Variants in MYO5B observed in about 807,000 individuals in gnomAD.
The protein encoded by MYO5B is unconventional myosin-Vb.
In MYO5B, 143 loss-of-function variants were observed where a neutral mutation model predicts 229.3. The observed-to-expected ratio is 0.62, with a 90% CI of 0.54 to 0.72. MYO5B has a LOEUF of 0.72. Ranked by LOEUF, MYO5B falls within the 30% of genes least tolerant of loss-of-function variation. The pLI, the probability that MYO5B is intolerant of heterozygous loss-of-function variation, is 0.00. For synonymous variants in MYO5B, 918 were observed against 885.2 expected (o/e 1.04, Z -0.66); for missense variants, 2,321 against 2,331.0 (o/e 1.00, Z 0.09).
intron 1 of MYO5B, among the ~76,000 whole-genome samples, chr18:50,126,188 A>T (rs1468437659): frequency 1.3e-5 from 2 of 152,254 alleles, no homozygotes; most frequent in Non-Finnish European, 2.9e-5. Flanking sequence ...AATGTTTAAA[A>T]GTTAAAAAAC....
chr18:50,084,909 T>C (rs1270438703), intron 1 of MYO5B, among the ~76,000 whole-genome samples: 23 of 152,090 alleles, frequency 1.5e-4, no homozygotes, highest in African/African-American at 5.1e-4. Flanking sequence ...ATACAAAAAT[T>C]CATTCAAGAT....
intron 1 of MYO5B, among the ~76,000 whole-genome samples, chr18:50,140,299 T>G (rs559961284): frequency 5.3e-5 from 8 of 152,314 alleles, no homozygotes; most frequent in African/African-American, 1.9e-4. Flanking sequence ...AAGCAACACA[T>G]TATCTTTTTT....
chr18:50,114,732 A>G (rs2031927551), intron 1 of MYO5B, among the ~76,000 whole-genome samples: 1 of 152,204 alleles, frequency 6.6e-6, no homozygotes. Context: ...CGCTGCATCT[A>G]GGAGCAGAAC....
chr18:49,911,839 T>C (rs1039323316), intron 18 of MYO5B, among the ~76,000 whole-genome samples: 2 of 152,152 alleles, frequency 1.3e-5, no homozygotes, highest in African/African-American at 4.8e-5. Flanking sequence ...GAATTCCATT[T>C]TCTATGCCTG....
intron 1 of MYO5B, among the ~76,000 whole-genome samples, chr18:50,162,486 T>C (rs569551127): frequency 6.6e-6 from 1 of 152,336 alleles, no homozygotes; most frequent in South Asian, 2.1e-4. Flanking sequence ...TAGACAACTC[T>C]TTTCTTCAAA....
intron 21 of MYO5B, 23 bp from the exon 22 acceptor site, chr18:49,895,197 A>G: frequency 1.9e-6 from 3 of 1,586,994 alleles, no homozygotes; most frequent in Non-Finnish European, 2.6e-6. Flanking sequence ...TCAGCAAACA[A>G]GGAGAAGGGA....
intron 1 of MYO5B, among the ~76,000 whole-genome samples, chr18:50,183,309 A>ATATATATATATATATATATATC (rs2033099465): frequency 3.3e-5 from 1 of 30,670 alleles, no homozygotes; most frequent in African/African-American, 1.1e-4. Flanking sequence ...ATTTTATCAT[A>ATATATATATATATATATATATC]TATATATATA....
At chr18:49,929,090 C>A (rs2025160504) in intron 17 of MYO5B, among the ~76,000 whole-genome samples, 1 of 152,080 alleles carries the variant, frequency 6.6e-6, no homozygotes, top group Non-Finnish European at 1.5e-5. Context: ...AACCAAACAC[C>A]ACTTGTTCCC....
Position 49,894,932 on chromosome 18 carries a change from T to C in MYO5B, c.3045+9A>G. On this transcript the variant is annotated intron_variant, in intron 22 of 39. Coordinates refer to ENST00000285039, the MANE Select transcript of MYO5B (RefSeq NM_001080467.3). ...CTTGCCAGCGCCTGCCCCTCTGGCC[T>C]GAGCATACCTTCCTCAGCTCATCTT... is the stretch of plus-strand genomic sequence containing the variant. 1 of 1,610,538 alleles carries C rather than the reference T, an allele frequency of 6.2e-7. No individual in the cohort carries two copies. Among genetic ancestry groups the C allele is most frequent in the Non-Finnish European group, 8.5e-7 (1 of 1,178,830 alleles).
At chr18:50,061,975 G>A (rs1209548620) in intron 1 of MYO5B, among the ~76,000 whole-genome samples, 1 of 152,102 alleles carries the variant, frequency 6.6e-6, no homozygotes, top group East Asian at 1.9e-4. Context: ...GAAACCTGAG[G>A]GTTAAAAGTA....
intron 1 of MYO5B, among the ~76,000 whole-genome samples, chr18:50,115,197 C>T (rs2031936427): frequency 1.3e-5 from 2 of 152,220 alleles, no homozygotes; most frequent in African/African-American, 2.4e-5. Flanking sequence ...AGGTGGGCAG[C>T]CACCTGCACA....
intron 1 of MYO5B, among the ~76,000 whole-genome samples, chr18:50,108,954 A>G (rs2031813405): frequency 6.6e-6 from 1 of 152,178 alleles, no homozygotes; most frequent in African/African-American, 2.4e-5. Context: ...ATGACCCCAC[A>G]TGCTAAAACT....
intron 32 of MYO5B, among the ~76,000 whole-genome samples, chr18:49,847,722 GC>G (rs1174794212): frequency 6.6e-6 from 1 of 152,252 alleles, no homozygotes; most frequent in Non-Finnish European, 1.5e-5. Context: ...CCTCGGCCTG[GC>G]CCACTACACT....
In MYO5B at chr18:49,962,256, T is replaced by A; in HGVS notation, c.1545+10A>T. 2 of 1,614,152 alleles carry A rather than the reference T, an allele frequency of 1.2e-6. No individual in the cohort carries two copies. Among genetic ancestry groups the A allele is most frequent in the Non-Finnish European group, 1.7e-6 (2 of 1,180,006 alleles). The stretch of plus-strand genomic sequence containing the variant: ...CCTAGAATTGAACTAATTTGCATCA[T>A]CAGTTTTACCTTACATTCTTCATCC... On this transcript the variant is annotated intron_variant, in intron 12 of 39. Transcript: ENST00000285039.
chr18:49,917,271 G>C (rs1442361256), intron 17 of MYO5B, among the ~76,000 whole-genome samples: 2 of 152,194 alleles, frequency 1.3e-5, no homozygotes, highest in South Asian at 4.1e-4. Flanking sequence ...GCCAATTACA[G>C]TTTTAAAAAT....
intron 4 of MYO5B, among the ~76,000 whole-genome samples, chr18:50,007,017 C>T (rs9955791): frequency 0.056 from 8,571 of 152,254 alleles, 416 homozygotes; most frequent in African/African-American, 0.12. Flanking sequence ...TCCCCAGCAA[C>T]CAGTTTGGCT....
At chr18:50,172,738 G>A (rs1466155026) in intron 1 of MYO5B, among the ~76,000 whole-genome samples, 2 of 152,202 alleles carry the variant, frequency 1.3e-5, no homozygotes, top group South Asian at 2.1e-4. Flanking sequence ...AGGACCTCAG[G>A]ATCCAGGTGA....
chr18:49,994,549 A>G (rs2025967000), intron 5 of MYO5B, among the ~76,000 whole-genome samples: 2 of 152,174 alleles, frequency 1.3e-5, no homozygotes, highest in Admixed American at 6.5e-5. Flanking sequence ...GGTATGTTGG[A>G]TTGCTCTGAA....
intron 1 of MYO5B, among the ~76,000 whole-genome samples, chr18:50,152,892 C>G (rs2032622231): frequency 7.0e-6 from 1 of 143,268 alleles, no homozygotes; most frequent in South Asian, 2.2e-4. Flanking sequence ...AAAAATCACA[C>G]TGAAAAGAAA....
Sources: gnomAD v4.1 joint callset for allele counts (sites outside exome capture counted in the v4.1 genomes callset) on GRCh38, gnomAD v4.1.1 for gene constraint, MANE v1.5 for transcripts, NCBI Gene and HGNC (gene_info 2026-07-23, HGNC 2026-07-21) for gene names.